The following NAALADL2 variants were observed in gnomAD, a reference collection of about 807,000 sequenced individuals.
The protein encoded by NAALADL2 is inactive N-acetylated-alpha-linked acidic dipeptidase-like protein 2.
Under a neutral mutation model 87.2 loss-of-function variants are expected in NAALADL2, and 76 were observed. The ratio of observed to expected loss-of-function variants is 0.87; its 90% CI spans 0.72 to 1.05. The LOEUF is 1.05. NAALADL2 is among the 50% of genes least tolerant of loss of function. The pLI, the probability that NAALADL2 is intolerant of heterozygous loss-of-function variation, is 0.00. For missense variants in NAALADL2, 1,089 were observed against 945.8 expected, an observed-to-expected ratio of 1.15 and a Z score of -1.99; for synonymous variants, 354 against 331.0, an observed-to-expected ratio of 1.07 and a Z score of -0.75.
At chr3:175,758,492 A>C (rs1356563326) in intron 13 of NAALADL2, among the ~76,000 whole-genome samples, 6 of 151,946 alleles carry the variant, frequency 3.9e-5, no homozygotes, top group African/African-American at 1.2e-4. Context: ...TTTATCTCAA[A>C]ATTGTCACGA....
rs200926083 is a variant in NAALADL2, at chr3:175,799,247, T to C, written c.2190-3758T>C. ...GGAAGAGAATTCAAAACTGTAAATA[T>C]TATGAAAAATGATTAATTTTTTAAT... On this transcript the variant is annotated intron_variant, in intron 13 of 13. Coordinates refer to ENST00000454872, the MANE Select transcript of NAALADL2 (RefSeq NM_207015.3). Among the ~76,000 whole-genome samples the C allele has an allele frequency of 2.0e-5, 3 of 152,178 alleles. No individual in the cohort carries two copies. In the East Asian group the frequency reaches 5.8e-4, roughly 29 times the overall value.
intron 9 of NAALADL2, among the ~76,000 whole-genome samples, chr3:175,523,876 A>G (rs892869938): frequency 1.3e-5 from 2 of 152,206 alleles, no homozygotes; most frequent in African/African-American, 4.8e-5. Flanking sequence ...AAAGTAGAAG[A>G]CAAAGAATTG....
chr3:174,460,404 A>T (rs1716139230), intron 1 of NAALADL2, among the ~76,000 whole-genome samples: 1 of 152,082 alleles, frequency 6.6e-6, no homozygotes, highest in Admixed American at 6.6e-5. Flanking sequence ...ATAGAAAAGT[A>T]CAACTATTTA....
At chr3:175,093,940 C>T (rs533503288) in intron 1 of NAALADL2, among the ~76,000 whole-genome samples, 4 of 151,934 alleles carry the variant, frequency 2.6e-5, no homozygotes, top group Admixed American at 6.6e-5. Context: ...TGATGGAATG[C>T]GTATTGTCAG....
intron 11 of NAALADL2, among the ~76,000 whole-genome samples, chr3:175,639,527 A>G (rs1409244081): frequency 2.0e-5 from 3 of 151,780 alleles, no homozygotes; most frequent in African/African-American, 7.3e-5. Context: ...TCACAGTGTT[A>G]GCCAGGTTGG....
In NAALADL2 at chr3:174,990,148, A is replaced by C. The variant is rs371148331; in HGVS notation, c.44-106642A>C. 5.9e-5 allele frequency among the ~76,000 whole-genome samples: 9 copies of C among 152,304 alleles called. No homozygotes were observed. The East Asian group carries it at 1.5e-3, about 26-fold the overall frequency. On this transcript the variant is annotated intron_variant, in intron 1 of 13. Coordinates refer to ENST00000454872, the MANE Select transcript of NAALADL2 (RefSeq NM_207015.3). ...AGAGAATTAAATTTCCGCAAATGCC[A>C]CACTACATCCTTTGATAAACACCTC...
chr3:175,709,178 C>T (rs1740169856), intron 11 of NAALADL2, among the ~76,000 whole-genome samples: 1 of 151,954 alleles, frequency 6.6e-6, no homozygotes, highest in Non-Finnish European at 1.5e-5. Flanking sequence ...CAAATATTTT[C>T]CTCAGAATTA....
chr3:175,500,482 G>A (rs115594720), intron 9 of NAALADL2, among the ~76,000 whole-genome samples: 1,780 of 152,012 alleles, frequency 0.012, 35 homozygotes, highest in African/African-American at 0.041. Context: ...GGATCAGAAG[G>A]TGATTTCATT....
chr3:175,277,286 TTTG>T (rs1453274030), intron 4 of NAALADL2, among the ~76,000 whole-genome samples: 1 of 152,188 alleles, frequency 6.6e-6, no homozygotes, highest in African/African-American at 2.4e-5. Context: ...AAAATTTTTG[TTTG>T]TTAAGATTTT....
intron 5 of NAALADL2, among the ~76,000 whole-genome samples, chr3:175,394,499 A>G (rs1769506529): frequency 6.6e-6 from 1 of 152,230 alleles, no homozygotes. Flanking sequence ...GTGTCAATTT[A>G]AAAAACACTA....
At chr3:175,070,952 C>T (rs764155187) in intron 1 of NAALADL2, among the ~76,000 whole-genome samples, 2 of 151,996 alleles carry the variant, frequency 1.3e-5, no homozygotes, top group African/African-American at 2.4e-5. Flanking sequence ...TTAAGACATA[C>T]GATCTCAGTG....
rs147910185 is a variant in NAALADL2 at position 175,318,605 on chromosome 3, T to C, written c.940-5570T>C. ...ATGCCACTCTTAACATTTTGCAGTATGTACATTCATTTATTTACAAACAGA... is the reference window on the plus strand; with the variant it reads ...ATGCCACTCTTAACATTTTGCAGTACGTACATTCATTTATTTACAAACAGA... On this transcript the variant is annotated intron_variant, in intron 4 of 13. Transcript: ENST00000454872. 5.9e-5 allele frequency among the ~76,000 whole-genome samples: 9 copies of C among 152,330 alleles called. No homozygotes were observed. In the East Asian group the frequency reaches 1.7e-3, roughly 29 times the overall value.
intron 1 of NAALADL2, among the ~76,000 whole-genome samples, chr3:174,449,646 GTTTA>G (rs1011848294): frequency 2.6e-5 from 4 of 151,944 alleles, no homozygotes; most frequent in East Asian, 1.9e-4. Flanking sequence ...ATATCTTTAG[GTTTA>G]TTTATTTGAA....
intron 1 of NAALADL2, among the ~76,000 whole-genome samples, chr3:174,526,605 A>C (rs781346935): frequency 3.9e-5 from 6 of 152,186 alleles, no homozygotes; most frequent in Non-Finnish European, 7.3e-5. Flanking sequence ...GAGAAGTATT[A>C]GTACATTAAT....
chr3:174,760,846 A>G (rs1457851707), intron 3 of NAALADL2, among the ~76,000 whole-genome samples: 2 of 152,220 alleles, frequency 1.3e-5, no homozygotes, highest in African/African-American at 4.8e-5. Flanking sequence ...CAATTACCTT[A>G]GTTGTTTCTT....
chr3:174,542,554 C>T (rs1722340418), intron 1 of NAALADL2, among the ~76,000 whole-genome samples: 1 of 152,008 alleles, frequency 6.6e-6, no homozygotes, highest in African/African-American at 2.4e-5. Flanking sequence ...AAGCAAGGGA[C>T]AAAAATTAAC....
chr3:175,363,674 T>A (rs561576448), intron 5 of NAALADL2, among the ~76,000 whole-genome samples: 2 of 148,148 alleles, frequency 1.3e-5, no homozygotes, highest in East Asian at 4.0e-4. Context: ...ATCACTCTCA[T>A]TTTACTCTAT....
At chr3:174,824,808 G>A (rs547158678) in intron 3 of NAALADL2, among the ~76,000 whole-genome samples, 95 of 152,210 alleles carry the variant, frequency 6.2e-4, no homozygotes, top group Middle Eastern at 3.4e-3. Flanking sequence ...CTGTTCCTAC[G>A]AACAGATAAA....
intron 2 of NAALADL2, among the ~76,000 whole-genome samples, chr3:174,613,835 C>T (rs1720181864): frequency 6.6e-6 from 1 of 152,204 alleles, no homozygotes; most frequent in African/African-American, 2.4e-5. Flanking sequence ...CCAAGACCCA[C>T]ATCATACTAC....
Sources: gnomAD v4.1 joint callset for allele counts (sites outside exome capture counted in the v4.1 genomes callset) on GRCh38, gnomAD v4.1.1 for gene constraint, MANE v1.5 for transcripts, NCBI Gene and HGNC (gene_info 2026-07-23, HGNC 2026-07-21) for gene names.